BCAR3: variants seen among roughly 807,000 people sequenced by gnomAD.
The protein encoded by BCAR3 is BCAR3 adaptor protein, NSP family member, also known as breast cancer anti-estrogen resistance protein 3.
BCAR3 carries 37 observed loss-of-function variants against 80.1 expected under a neutral mutation model. The ratio of observed to expected loss-of-function variants is 0.46; its 90% CI spans 0.36 to 0.61. The LOEUF (loss-of-function observed/expected upper bound fraction) is 0.61, where lower values mean the gene tolerates loss of function less well. Among genes scored for constraint, BCAR3 ranks in the 20% least tolerant of loss-of-function variants. BCAR3 has a pLI of 0.00. For synonymous variants in BCAR3, 389 were observed against 418.9 expected, an observed-to-expected ratio of 0.93 and a Z score of 0.87; for missense variants, 978 against 1,068.2, an observed-to-expected ratio of 0.92 and a Z score of 1.18.
At chr1:93,565,401 C>T (rs1017377529) in intron 11 of BCAR3, among the ~76,000 whole-genome samples, 1 of 152,174 alleles carries the variant, frequency 6.6e-6, no homozygotes, top group African/African-American at 2.4e-5. Flanking sequence ...ATGCTTTGAG[C>T]CCCTTCCCAT....
At chr1:93,579,085 TG>T in intron 7 of BCAR3, among the ~76,000 whole-genome samples, 1 of 152,112 alleles carries the variant, frequency 6.6e-6, no homozygotes, top group Middle Eastern at 3.4e-3. Flanking sequence ...ACTAGGCCCT[TG>T]GGGGGTGGGG....
At chr1:93,809,775 T>TAAAAAAAAAA (rs59236584) in intron 2 of BCAR3, among the ~76,000 whole-genome samples, 1 of 55,530 alleles carries the variant, frequency 1.8e-5, no homozygotes. Context: ...CTCAAAAAGA[T>TAAAAAAAAAA]AAAAAAAAAA....
At chr1:93,638,461 G>A (rs236272) in intron 3 of BCAR3, among the ~76,000 whole-genome samples, 1,803 of 152,292 alleles carry the variant, frequency 0.012, 35 homozygotes, top group African/African-American at 0.04. Context: ...GTGTTTTAAC[G>A]AAGTAAAAAT....
chr1:93,745,706 T>C (rs1048688932), intron 2 of BCAR3, among the ~76,000 whole-genome samples: 21 of 152,212 alleles, frequency 1.4e-4, no homozygotes, highest in Admixed American at 6.5e-5. Context: ...CAACCCTATC[T>C]ACTTGTTCAT....
intron 2 of BCAR3, among the ~76,000 whole-genome samples, chr1:93,729,932 T>C (rs1226971675): frequency 1.3e-5 from 2 of 152,252 alleles, no homozygotes; most frequent in Non-Finnish European, 2.9e-5. Context: ...TTGAATCTTA[T>C]GCATGTTTAT....
intron 3 of BCAR3, among the ~76,000 whole-genome samples, chr1:93,610,254 C>G (rs1354574210): frequency 6.6e-6 from 1 of 152,212 alleles, no homozygotes; most frequent in Non-Finnish European, 1.5e-5. Flanking sequence ...TCCTCTGTGA[C>G]TTCTCTGACC....
chr1:93,666,632 C>A (rs552395643), intron 2 of BCAR3, among the ~76,000 whole-genome samples: 1 of 152,164 alleles, frequency 6.6e-6, no homozygotes, highest in Non-Finnish European at 1.5e-5. Context: ...CTAATAAATA[C>A]GCATCGAAGA....
intron 3 of BCAR3, among the ~76,000 whole-genome samples, chr1:93,621,709 A>G (rs61780977): frequency 3.3e-5 from 5 of 152,144 alleles, no homozygotes; most frequent in Non-Finnish European, 7.4e-5. Flanking sequence ...TGCATGTAAT[A>G]CTTAGGACAG....
chr1:93,683,527 C>T (rs79011569), upstream of BCAR3, among the ~76,000 whole-genome samples: 774 of 152,208 alleles, frequency 5.1e-3, 39 homozygotes, highest in East Asian at 0.081. Context: ...CTCTTTATGA[C>T]GGCCAAAAAG....
chr1:93,607,295 C>T (rs1236973722), intron 3 of BCAR3, among the ~76,000 whole-genome samples: 1 of 152,028 alleles, frequency 6.6e-6, no homozygotes, highest in Admixed American at 6.5e-5. Context: ...AGATGGGGAC[C>T]AGGAATGAGC....
chr1:93,687,724 T>C (rs1227955077), intron 3 of BCAR3, among the ~76,000 whole-genome samples: 2 of 152,200 alleles, frequency 1.3e-5, no homozygotes, highest in Non-Finnish European at 2.9e-5. Context: ...GCACTCAACC[T>C]GGAGTTGATC....
chr1:93,564,474 C>T (rs1480620400), intron 11 of BCAR3, among the ~76,000 whole-genome samples: 1 of 151,716 alleles, frequency 6.6e-6, no homozygotes, highest in South Asian at 2.1e-4. Context: ...GACGGGGTTT[C>T]TCCACGTTGG....
chr1:93,725,107 C>T (rs375224629), intron 2 of BCAR3, among the ~76,000 whole-genome samples: 19 of 152,318 alleles, frequency 1.2e-4, no homozygotes, highest in East Asian at 1.2e-3. Context: ...TACACTTCTA[C>T]GTAGTTCACC....
At chr1:93,681,374 G>A (rs1017993618) in intron 1 of BCAR3, 3 of 152,180 alleles carry the variant, frequency 2.0e-5, no homozygotes, top group Admixed American at 1.3e-4. Context: ...CGCGCTCGGA[G>A]GGCCTGGAGA....
At chr1:93,578,547 T>G (rs1230407005) in intron 7 of BCAR3, among the ~76,000 whole-genome samples, 1 of 152,176 alleles carries the variant, frequency 6.6e-6, no homozygotes, top group Non-Finnish European at 1.5e-5. Context: ...CAAGATGCTT[T>G]TGGTGTTCAT....
chr1:93,808,445 G>A (rs899892643), intron 2 of BCAR3, among the ~76,000 whole-genome samples: 3 of 152,210 alleles, frequency 2.0e-5, no homozygotes. Flanking sequence ...AGATATGAAA[G>A]CAGAATTGTA....
upstream of BCAR3, chr1:93,847,919 C>T (rs1376864732): frequency 1.2e-5 from 3 of 245,456 alleles, no homozygotes; most frequent in Non-Finnish European, 2.4e-5. Flanking sequence ...GCGGCGGCGG[C>T]GGCGAAGGAA....
chr1:93,836,118 T>G (rs573584466), intron 2 of BCAR3, among the ~76,000 whole-genome samples: 1 of 152,310 alleles, frequency 6.6e-6, no homozygotes, highest in African/African-American at 2.4e-5. Flanking sequence ...TGGACAGTAC[T>G]CTTACCTCTT....
At chr1:93,693,736 C>T (rs1332528171) in intron 3 of BCAR3, among the ~76,000 whole-genome samples, 1 of 152,100 alleles carries the variant, frequency 6.6e-6, no homozygotes, top group African/African-American at 2.4e-5. Context: ...AGGTAAGATG[C>T]CTCTGTAAAC....
Sources: allele counts gnomAD v4.1 joint callset (sites outside exome capture counted in the v4.1 genomes callset), GRCh38; gene constraint gnomAD v4.1.1; transcripts MANE v1.5; gene names NCBI Gene and HGNC (gene_info 2026-07-23, HGNC 2026-07-21).